Variants in PPP2R5E observed in about 807,000 individuals in gnomAD.
PPP2R5E encodes the protein serine/threonine-protein phosphatase 2A 56 kDa regulatory subunit epsilon isoform.
A neutral mutation model predicts 65.3 loss-of-function variants in PPP2R5E; 4 were observed. That is an observed-to-expected ratio of 0.06 (90% CI 0.03 to 0.14). The LOEUF (loss-of-function observed/expected upper bound fraction) is 0.14, where lower values mean the gene tolerates loss of function less well. Ranked by LOEUF, PPP2R5E falls within the 10% of genes least tolerant of loss-of-function variation. The pLI, the probability that PPP2R5E is intolerant of heterozygous loss-of-function variation, is 1.00. For missense variants in PPP2R5E, 274 were observed against 556.1 expected (o/e 0.49, Z 5.10); for synonymous variants, 183 against 187.4 (o/e 0.98, Z 0.19).
intron 3 of PPP2R5E, among the ~76,000 whole-genome samples, chr14:63,437,875 T>C (rs549580804): frequency 6.6e-6 from 1 of 152,284 alleles, no homozygotes; most frequent in East Asian, 1.9e-4. Flanking sequence ...GAGAAATGTC[T>C]TTCCTTGTGT....
At chr14:63,417,634 G>A (rs1355544111) in intron 4 of PPP2R5E, among the ~76,000 whole-genome samples, 1 of 152,108 alleles carries the variant, frequency 6.6e-6, no homozygotes, top group Non-Finnish European at 1.5e-5. Flanking sequence ...ATTTTTAAAT[G>A]TGTGCTTGAG....
At chr14:63,529,383 CAG>C (rs1374919875) in intron 2 of PPP2R5E, among the ~76,000 whole-genome samples, 1 of 105,162 alleles carries the variant, frequency 9.5e-6, no homozygotes, top group Non-Finnish European at 1.8e-5. Flanking sequence ...TTTTTTGAGA[CAG>C]AGTCTCACTC....
At chr14:63,404,875 G>A (rs1180463401) in intron 5 of PPP2R5E, among the ~76,000 whole-genome samples, 3 of 152,130 alleles carry the variant, frequency 2.0e-5, no homozygotes, top group Non-Finnish European at 4.4e-5. Context: ...AAGAGCTATT[G>A]TGCTAAATAA....
chr14:63,450,210 T>C (rs1001531555), intron 3 of PPP2R5E, among the ~76,000 whole-genome samples: 1 of 152,122 alleles, frequency 6.6e-6, no homozygotes, highest in African/African-American at 2.4e-5. Context: ...AATATCCCCT[T>C]TCTGTAAATG....
At chr14:63,418,708 T>C (rs1275878033) in intron 4 of PPP2R5E, among the ~76,000 whole-genome samples, 1 of 151,856 alleles carries the variant, frequency 6.6e-6, no homozygotes, top group African/African-American at 2.4e-5. Flanking sequence ...CAAGATACTA[T>C]TTTGGATAAC....
chr14:63,510,025 A>G (rs375315044), intron 2 of PPP2R5E, among the ~76,000 whole-genome samples: 1 of 152,252 alleles, frequency 6.6e-6, no homozygotes, highest in Non-Finnish European at 1.5e-5. Context: ...ATGAATACTC[A>G]TATTTATGTA....
chr14:63,411,658 T>TA (rs766263301), intron 5 of PPP2R5E, among the ~76,000 whole-genome samples: 13,086 of 93,032 alleles, frequency 0.14, 1,037 homozygotes, highest in East Asian at 0.18. Flanking sequence ...TGTGGTTGTT[T>TA]AAAAAAAAAA....
intron 5 of PPP2R5E, among the ~76,000 whole-genome samples, chr14:63,408,081 T>C (rs1886189075): frequency 6.6e-6 from 1 of 152,250 alleles, no homozygotes; most frequent in African/African-American, 2.4e-5. Context: ...TACTGTTCTA[T>C]AACAATGCAT....
At chr14:63,530,630 C>CTTTTTT (rs954359159) in intron 2 of PPP2R5E, among the ~76,000 whole-genome samples, 112 of 81,274 alleles carry the variant, frequency 1.4e-3, no homozygotes, top group Non-Finnish European at 1.8e-3. Flanking sequence ...CTCTCAATTT[C>CTTTTTT]TTTTTTTTTT....
At chr14:63,519,024 G>T (rs1289868841) in intron 2 of PPP2R5E, among the ~76,000 whole-genome samples, 1 of 152,210 alleles carries the variant, frequency 6.6e-6, no homozygotes, top group Non-Finnish European at 1.5e-5. Context: ...TTCGAGACCA[G>T]CCTAACATGG....
chr14:63,540,430 CA>C (rs202037803), intron 1 of PPP2R5E, among the ~76,000 whole-genome samples: 82 of 74,630 alleles, frequency 1.1e-3, no homozygotes, highest in Middle Eastern at 0.01. Context: ...GAGTCCATCT[CA>C]AAAAAAAAAA....
At chr14:63,526,525 T>A (rs1210667003) in intron 2 of PPP2R5E, among the ~76,000 whole-genome samples, 1 of 152,066 alleles carries the variant, frequency 6.6e-6, no homozygotes, top group African/African-American at 2.4e-5. Flanking sequence ...TCTCTTTCTC[T>A]TTCTCTCTCT....
chr14:63,430,233 AC>A lies in PPP2R5E; in HGVS notation c.355-8140del, dbSNP rs200115224. ...TTTATATTAAATATTCAACCCTAAC[AC>A]CAGGCACAGTGGCTCACGCCTGTAA... On this transcript the variant is annotated intron_variant, in intron 3 of 13. Coordinates refer to ENST00000337537, the MANE Select transcript of PPP2R5E (RefSeq NM_006246.5). 3.8e-3 allele frequency among the ~76,000 whole-genome samples: 572 copies of A among 151,912 alleles called. 3 individuals carry two copies. The highest frequency in any genetic ancestry group is 0.013 in the African/African-American group (521 of 41,488).
intron 4 of PPP2R5E, among the ~76,000 whole-genome samples, chr14:63,420,084 G>C (rs1886919426): frequency 1.3e-5 from 2 of 152,124 alleles, no homozygotes; most frequent in East Asian, 3.8e-4. Flanking sequence ...GGAAATTTAT[G>C]TCTATGGTTA....
intron 5 of PPP2R5E, among the ~76,000 whole-genome samples, chr14:63,406,741 T>C (rs749852131): frequency 5.9e-5 from 9 of 152,146 alleles, no homozygotes; most frequent in Non-Finnish European, 1.2e-4. Flanking sequence ...TCAACACTGA[T>C]TGGAGGAAAT....
chr14:63,404,480 AC>A (rs747542034), intron 5 of PPP2R5E, among the ~76,000 whole-genome samples: 2 of 152,204 alleles, frequency 1.3e-5, no homozygotes, highest in Admixed American at 6.5e-5. Context: ...ACAGCCCAGA[AC>A]AAAGAAACCA....
rs900765967 is a variant in PPP2R5E at position 63,474,701 on chromosome 14, C to G, written c.158-20816G>C. ...AAAAAAAAAAAAAAAAAAAAAAAAA[C>G]AAGAAGAAGAAAAGCAAAAGAAATG... On this transcript the variant is annotated intron_variant, in intron 2 of 13. Coordinates refer to ENST00000337537, the MANE Select transcript of PPP2R5E (RefSeq NM_006246.5). Among the ~76,000 whole-genome samples, 291 of 77,290 alleles carry G rather than the reference C, an allele frequency of 3.8e-3. 4 individuals carry two copies. Among genetic ancestry groups the G allele is most frequent in the African/African-American group, 0.013 (251 of 19,536 alleles). The allele number at this position is 77,290 out of a possible 152,430, so 50.7% of individuals were successfully genotyped here. A position where few individuals can be genotyped will look rare whatever the true frequency, so the allele number is the denominator to read the frequency against.
At chr14:63,393,604 C>T (rs1409202521) in intron 8 of PPP2R5E, among the ~76,000 whole-genome samples, 4 of 151,770 alleles carry the variant, frequency 2.6e-5, no homozygotes, top group Non-Finnish European at 4.4e-5. Flanking sequence ...CACAGCTACT[C>T]GGGAGGCTGA....
At position 63,413,180 on chromosome 14, in the gene PPP2R5E, T is replaced by A. The variant is rs1886498350; in HGVS notation, c.549+1960A>T. Among the ~76,000 whole-genome samples the A allele has an allele frequency of 2.0e-5, 3 of 152,328 alleles. No individual in the cohort carries two copies. The South Asian group carries it at 6.2e-4, about 32-fold the overall frequency. ...GATGTTTTCGTATTATAAGTTTCAT[T>A]ATCTTCAGTACTGTCTACCATGGAC... is the stretch of plus-strand genomic sequence containing the variant. On this transcript the variant is annotated intron_variant, in intron 5 of 13. Coordinates refer to ENST00000337537, the MANE Select transcript of PPP2R5E (RefSeq NM_006246.5).
Sources: gnomAD v4.1 joint callset for allele counts (sites outside exome capture counted in the v4.1 genomes callset) on GRCh38, gnomAD v4.1.1 for gene constraint, MANE v1.5 for transcripts, NCBI Gene and HGNC (gene_info 2026-07-23, HGNC 2026-07-21) for gene names.